Variants in RNF19A observed in about 807,000 individuals in gnomAD.
RNF19A encodes the protein ring finger protein 19A, RBR E3 ubiquitin protein ligase, also known as E3 ubiquitin-protein ligase RNF19A.
In RNF19A, 32 loss-of-function variants were observed where a neutral mutation model predicts 75.7. The observed-to-expected ratio is 0.42, with a 90% CI of 0.32 to 0.57. The LOEUF (loss-of-function observed/expected upper bound fraction) is 0.57, where lower values mean the gene tolerates loss of function less well. Ranked by LOEUF, RNF19A falls within the 20% of genes least tolerant of loss-of-function variation. The probability of loss-of-function intolerance (pLI) is 0.10; values close to 1 mark genes in which losing one functional copy is unlikely to be tolerated. For synonymous variants in RNF19A, 335 were observed against 345.2 expected (o/e 0.97, Z 0.33); for missense variants, 782 against 1,036.3 (o/e 0.75, Z 3.37).
chr8:100,308,287 A>G (rs1822139064), intron 1 of RNF19A, among the ~76,000 whole-genome samples: 1 of 152,258 alleles, frequency 6.6e-6, no homozygotes, highest in South Asian at 2.1e-4. Context: ...AATTTAAAAA[A>G]AGAGAACATT....
rs563702907 is a variant in RNF19A, at chr8:100,309,361, C to G, written c.-94+506G>C. The G allele has an allele frequency of 5.9e-5, 58 of 985,834 alleles. 1 individual carries two copies. The Admixed American group carries it at 2.8e-3, about 48-fold the overall frequency. The allele number at this position is 985,834 out of a possible 1,614,324, so 61.1% of individuals were successfully genotyped here. A position where few individuals can be genotyped will look rare whatever the true frequency, so the allele number is the denominator to read the frequency against. ...CAGCACGGCTTGCGGGGCGATGTCC[C>G]GGCTCCAAATTTGCAGCGAGGCCCG... is the stretch of plus-strand genomic sequence containing the variant. On this transcript the variant is annotated intron_variant, in intron 1 of 9. Transcript: ENST00000341084.
chr8:100,277,570 C>T (rs1379223157), intron 2 of RNF19A, among the ~76,000 whole-genome samples: 1 of 151,208 alleles, frequency 6.6e-6, no homozygotes, highest in Non-Finnish European at 1.5e-5. Context: ...CCTCAGCCTC[C>T]CAAGTACCAC....
intron 2 of RNF19A, among the ~76,000 whole-genome samples, chr8:100,285,636 A>T (rs1446936304): frequency 1.4e-5 from 2 of 145,646 alleles, no homozygotes; most frequent in Non-Finnish European, 3.0e-5. Flanking sequence ...CATTGTCAGA[A>T]TTTTTTTTTT....
Position 100,261,181 on chromosome 8 carries a change from A to G in RNF19A, c.1682+361T>C, listed in dbSNP as rs1819695041. ...GTGATCTTGGCTGACTGCAGCCTCC[A>G]ACTCCCAGGCTCAAGTGATCCTCCT... On this transcript the variant is annotated intron_variant, in intron 8 of 9. Transcript: ENST00000341084. This position sits in a 1 kb window ranked among gnomAD's most constrained non-coding sequence, Gnocchi z 4.4. Among the ~76,000 whole-genome samples, 2 of 151,920 alleles carry G rather than the reference A, an allele frequency of 1.3e-5. No individual in the cohort carries two copies. Among genetic ancestry groups the G allele is most frequent in the South Asian group, 4.2e-4 (2 of 4,806 alleles).
intron 7 of RNF19A, among the ~76,000 whole-genome samples, chr8:100,262,860 ATTTGCTG>A (rs1819788835): frequency 6.6e-6 from 1 of 152,138 alleles, no homozygotes; most frequent in Non-Finnish European, 1.5e-5. Context: ...AAGCAGCAGA[ATTTGCTG>A]ACAGATCAAT....
chr8:100,296,649 C>T (rs1319725581), intron 1 of RNF19A, among the ~76,000 whole-genome samples: 1 of 152,170 alleles, frequency 6.6e-6, no homozygotes, highest in Non-Finnish European at 1.5e-5. Flanking sequence ...TCCAAGGAGT[C>T]TAAAGTACAA....
chr8:100,298,160 G>A (rs996307121), intron 1 of RNF19A, among the ~76,000 whole-genome samples: 1 of 147,540 alleles, frequency 6.8e-6, no homozygotes, highest in East Asian at 2.0e-4. Flanking sequence ...CATCTGAGAA[G>A]ATAGCACAAA....
rs1822593638 is a variant in RNF19A, at chr8:100,330,299, A to G, written c.-243+5809T>C. 6.6e-6 allele frequency among the ~76,000 whole-genome samples: 1 copy of G among 151,954 alleles called. No homozygotes were observed. The highest frequency in any genetic ancestry group is 2.1e-4 in the South Asian group (1 of 4,826). On this transcript the variant is annotated intron_variant, in intron 1 of 3. Transcript: ENST00000519527. The surrounding 1 kb of genome is among the most constrained non-coding windows in gnomAD (Gnocchi z 4.1). ...ATAGTGGACTGTTATTATTTTTATTATTTTCAACTGTTCAGCATCTTTGTG... is the reference window on the plus strand; with the variant it reads ...ATAGTGGACTGTTATTATTTTTATTGTTTTCAACTGTTCAGCATCTTTGTG...
Position 100,288,000 on chromosome 8 carries a change from C to G in RNF19A, c.175G>C (p.Ala59Pro). Residue 59 changes from alanine to proline, a missense_variant, in exon 2 of 10, where the codon GCA becomes CCA. Transcript: ENST00000341084. The surrounding 1 kb of genome is among the most constrained non-coding windows in gnomAD (Gnocchi z 4.1). ...SSVSLPSVKK[A>P]PKKRRISIGS... ...ATTGAAATTCTTCTTTTTTTGGGTG[C>G]CTTTTTGACTGAAGGCAAGCTCACA... The G allele has an allele frequency of 6.2e-7, 1 of 1,614,090 alleles. No homozygotes were observed. The highest frequency in any genetic ancestry group is 1.1e-5 in the South Asian group (1 of 91,088).
At chr8:100,310,638 G>A (rs1490090303), upstream of RNF19A, among the ~76,000 whole-genome samples, 1 of 152,358 alleles carries the variant, frequency 6.6e-6, no homozygotes, top group South Asian at 2.1e-4. Flanking sequence ...AGCACCCTGT[G>A]CGTCTGCAGC....
In RNF19A at chr8:100,332,409, C is replaced by T. The variant is rs183215256; in HGVS notation, c.-243+3699G>A. 2.6e-3 allele frequency among the ~76,000 whole-genome samples: 398 copies of T among 152,318 alleles called. 5 individuals are homozygous for T. The highest frequency in any genetic ancestry group is 9.2e-3 in the African/African-American group (383 of 41,562). On this transcript the variant is annotated intron_variant, in intron 1 of 3. Transcript: ENST00000519527. The surrounding 1 kb of genome is among the most constrained non-coding windows in gnomAD (Gnocchi z 4.8). Reference sequence around the variant, plus strand: ...CTCCTGCCGCCTTGTGAAGAAGGTGCCTGCTTCTCGTTCCACCATGATTGT... The same window carrying T: ...CTCCTGCCGCCTTGTGAAGAAGGTGTCTGCTTCTCGTTCCACCATGATTGT...
At chr8:100,327,798 C>T (rs1223218953) in intron 1 of RNF19A, among the ~76,000 whole-genome samples, 1 of 152,224 alleles carries the variant, frequency 6.6e-6, no homozygotes, top group Non-Finnish European at 1.5e-5. Flanking sequence ...GTGATGAGAG[C>T]ACCATGGATG....
chr8:100,324,808 TCTTC>T lies in RNF19A; in HGVS notation c.-243+11296_-243+11299del, dbSNP rs138631931. ...ATCTTTTTTCTTTCTTTCTCTTTCTTCTTCCTTCCTTCCTTCCTTCCTCCTTCTT... is the reference window on the plus strand; with the variant it reads ...ATCTTTTTTCTTTCTTTCTCTTTCTTCTTCCTTCCTTCCTTCCTCCTTCTT... On this transcript the variant is annotated intron_variant, in intron 1 of 3. Transcript: ENST00000519527. This position sits in a 1 kb window ranked among gnomAD's most constrained non-coding sequence, Gnocchi z 4.2. Among the ~76,000 whole-genome samples the T allele has an allele frequency of 0.023, 3,443 of 148,194 alleles. 52 individuals carry two copies. Among genetic ancestry groups the T allele is most frequent in the Non-Finnish European group, 0.032 (2,092 of 65,522 alleles).
chr8:100,291,214 A>T (rs1210393995), intron 1 of RNF19A, among the ~76,000 whole-genome samples: 1 of 152,206 alleles, frequency 6.6e-6, no homozygotes, highest in Admixed American at 6.5e-5. Flanking sequence ...AGATGTTCTA[A>T]GAATAATATG....
chr8:100,299,081 C>T (rs527390555), intron 1 of RNF19A, among the ~76,000 whole-genome samples: 1 of 152,262 alleles, frequency 6.6e-6, no homozygotes, highest in East Asian at 1.9e-4. Context: ...ACACATTTTG[C>T]TTACTGTGTC....
intron 1 of RNF19A, among the ~76,000 whole-genome samples, chr8:100,300,136 T>C (rs747231212): frequency 2.0e-5 from 3 of 152,230 alleles, no homozygotes; most frequent in Non-Finnish European, 4.4e-5. Context: ...AAAATGTGTC[T>C]GTTTCCCTTT....
intron 1 of RNF19A, among the ~76,000 whole-genome samples, chr8:100,303,750 C>T (rs1052468956): frequency 6.9e-6 from 1 of 145,306 alleles, no homozygotes; most frequent in African/African-American, 2.7e-5. Context: ...ATGGCAAAAC[C>T]TCGCCGCTTG....
In RNF19A at chr8:100,288,156, C is replaced by G. The variant is rs776881265; in HGVS notation, c.19G>C (p.Gly7Arg). 30 of 1,604,082 alleles carry G rather than the reference C, an allele frequency of 1.9e-5. 1 individual carries two copies. The South Asian group carries it at 3.4e-4, about 18-fold the overall frequency. The change falls in exon 2 of 10, where the codon GGT becomes CGT. Residue 7 changes from glycine (G) to arginine (R), a missense_variant. Physicochemically the swap from Gly to Arg is moderately radical, Grantham distance 125. Around this residue, in one of 7 missense-constraint regions of RNF19A, gnomAD observed 148 missense variants for 147.9 expected, o/e 1.00. Coordinates refer to ENST00000341084, the MANE Select transcript of RNF19A (RefSeq NM_183419.4). Reference protein sequence around the residue: MQEQEIGFISKYNEGLC... With the variant: MQEQEIRFISKYNEGLC... ...CCTTCATTATATTTAGAGATAAAAC[C>G]TATTTCTTGTTCTTGCATTCACATT...
intron 1 of RNF19A, among the ~76,000 whole-genome samples, chr8:100,294,450 C>G (rs1462805069): frequency 6.6e-6 from 1 of 152,126 alleles, no homozygotes; most frequent in Non-Finnish European, 1.5e-5. Flanking sequence ...CACTGAACTC[C>G]TTGGAATCTC....
Sources: allele counts gnomAD v4.1 joint callset (sites outside exome capture counted in the v4.1 genomes callset), GRCh38; gene constraint gnomAD v4.1.1; regional missense constraint gnomAD v4.1.1; non-coding constraint Gnocchi (gnomAD v3.1); transcripts MANE v1.5; gene names NCBI Gene and HGNC (gene_info 2026-07-23, HGNC 2026-07-21).